The following ZBTB20 variants were observed in gnomAD, a reference collection of about 807,000 sequenced individuals.
ZBTB20 encodes the protein zinc finger and BTB domain containing 20.
A neutral mutation model predicts 56.9 loss-of-function variants in ZBTB20; 9 were observed. The ratio of observed to expected loss-of-function variants is 0.16; its 90% CI spans 0.10 to 0.28. The LOEUF (loss-of-function observed/expected upper bound fraction) is 0.28, where lower values mean the gene tolerates loss of function less well. ZBTB20 is among the 10% of genes least tolerant of loss of function. The pLI is 1.00. For missense variants in ZBTB20, 655 were observed against 1,003.0 expected, an observed-to-expected ratio of 0.65 and a Z score of 4.69; for synonymous variants, 417 against 420.7, an observed-to-expected ratio of 0.99 and a Z score of 0.11.
At chr3:114,931,434 C>G (rs757199357) in intron 3 of ZBTB20, 3 of 200,646 alleles carry the variant, frequency 1.5e-5, no homozygotes, top group Non-Finnish European at 3.0e-5. Context: ...ATTCTGCACC[C>G]GAGGCAGAAG....
chr3:114,386,799 CAT>C (rs942515994), intron 8 of ZBTB20, among the ~76,000 whole-genome samples: 14 of 152,110 alleles, frequency 9.2e-5, no homozygotes, highest in African/African-American at 3.1e-4. Flanking sequence ...GACTAATCAA[CAT>C]ATGTGTTCTT....
At chr3:114,436,237 A>G (rs537502987) in intron 7 of ZBTB20, among the ~76,000 whole-genome samples, 2 of 152,152 alleles carry the variant, frequency 1.3e-5, no homozygotes, top group African/African-American at 2.4e-5. Context: ...TGAGTGCAGG[A>G]GCAACAACTG....
intron 4 of ZBTB20, among the ~76,000 whole-genome samples, chr3:114,818,349 T>G (rs1038511691): frequency 6.6e-6 from 1 of 152,130 alleles, no homozygotes; most frequent in Admixed American, 6.5e-5. Context: ...TCATAAAGTT[T>G]TTTCTAGTTA....
chr3:114,748,641 G>C (rs934755340), intron 5 of ZBTB20, among the ~76,000 whole-genome samples: 3 of 152,062 alleles, frequency 2.0e-5, no homozygotes, highest in Non-Finnish European at 2.9e-5. Flanking sequence ...AGGCAAAGAG[G>C]AAAGCCAGGC....
chr3:114,994,379 A>G (rs1046871228), intron 2 of ZBTB20, among the ~76,000 whole-genome samples: 5 of 151,954 alleles, frequency 3.3e-5, no homozygotes, highest in African/African-American at 1.2e-4. Context: ...GGATAATCGT[A>G]GCCTGATATA....
At chr3:115,098,216 G>A (rs777464176) in intron 1 of ZBTB20, among the ~76,000 whole-genome samples, 6 of 152,078 alleles carry the variant, frequency 3.9e-5, no homozygotes, top group Non-Finnish European at 7.4e-5. Flanking sequence ...GCACATGTAT[G>A]CACAGATATC....
intron 1 of ZBTB20, among the ~76,000 whole-genome samples, chr3:115,105,764 A>C (rs1166099482): frequency 6.6e-6 from 1 of 152,184 alleles, no homozygotes; most frequent in African/African-American, 2.4e-5. Flanking sequence ...CTATAGCCTG[A>C]GAAAGGAATT....
chr3:114,344,881 G>A (rs755652533), intron 11 of ZBTB20, among the ~76,000 whole-genome samples: 15 of 152,136 alleles, frequency 9.9e-5, no homozygotes, highest in Non-Finnish European at 1.9e-4. Flanking sequence ...CAAAATTACC[G>A]TATGTGCAGA....
intron 5 of ZBTB20, among the ~76,000 whole-genome samples, chr3:114,767,588 A>C (rs1478924393): frequency 6.6e-6 from 1 of 151,818 alleles, no homozygotes; most frequent in Non-Finnish European, 1.5e-5. Context: ...GGAGGAAGGA[A>C]ACAGAAAGGG....
intron 1 of ZBTB20, among the ~76,000 whole-genome samples, chr3:115,103,751 C>T (rs1415383097): frequency 6.6e-6 from 1 of 152,126 alleles, no homozygotes; most frequent in Non-Finnish European, 1.5e-5. Flanking sequence ...TTCTAAGACT[C>T]CTAAATAGGA....
At chr3:114,461,652 A>G (rs937427375) in intron 7 of ZBTB20, among the ~76,000 whole-genome samples, 1 of 152,118 alleles carries the variant, frequency 6.6e-6, no homozygotes, top group Non-Finnish European at 1.5e-5. Flanking sequence ...TATCATTGCC[A>G]TTCAGTTACC....
At chr3:114,882,316 T>C (rs1318176994) in intron 4 of ZBTB20, among the ~76,000 whole-genome samples, 2 of 152,034 alleles carry the variant, frequency 1.3e-5, no homozygotes, top group African/African-American at 4.8e-5. Context: ...CTGATGAGGC[T>C]GTGAGAAAGC....
chr3:114,572,188 T>C (rs1265115893), intron 6 of ZBTB20, among the ~76,000 whole-genome samples: 2 of 152,224 alleles, frequency 1.3e-5, no homozygotes, highest in Admixed American at 1.3e-4. Flanking sequence ...TGAAGAACTA[T>C]ACTACTGTAC....
intron 5 of ZBTB20, among the ~76,000 whole-genome samples, chr3:114,727,073 C>A (rs990903741): frequency 6.6e-6 from 1 of 151,804 alleles, no homozygotes; most frequent in African/African-American, 2.4e-5. Flanking sequence ...CCTTTCATAC[C>A]AACACATAGA....
At chr3:115,115,858 C>G (rs959582033) in intron 1 of ZBTB20, among the ~76,000 whole-genome samples, 1 of 151,950 alleles carries the variant, frequency 6.6e-6, no homozygotes, top group Non-Finnish European at 1.5e-5. Flanking sequence ...CTTCCACCAT[C>G]GCACACCATA....
chr3:114,615,286 T>G (rs2057855533), intron 6 of ZBTB20, among the ~76,000 whole-genome samples: 1 of 152,222 alleles, frequency 6.6e-6, no homozygotes, highest in Non-Finnish European at 1.5e-5. Context: ...ATATGATGGT[T>G]TCCTATTTTC....
intron 10 of ZBTB20, among the ~76,000 whole-genome samples, chr3:114,362,536 T>G (rs1313180014): frequency 6.6e-6 from 1 of 152,218 alleles, no homozygotes; most frequent in Non-Finnish European, 1.5e-5. Context: ...TGTAATGCTC[T>G]TCTTCTTGTC....
chr3:114,574,140 A>G (rs1033197508), intron 6 of ZBTB20, among the ~76,000 whole-genome samples: 6 of 152,144 alleles, frequency 3.9e-5, no homozygotes, highest in African/African-American at 1.4e-4. Context: ...TGCATATATG[A>G]TATGTGGTGA....
intron 4 of ZBTB20, among the ~76,000 whole-genome samples, chr3:114,882,457 A>G (rs1001595011): frequency 1.3e-5 from 2 of 152,066 alleles, no homozygotes; most frequent in Non-Finnish European, 1.5e-5. Context: ...TATTAAAATA[A>G]AAACAAGGAT....
Sources: gnomAD v4.1 joint callset for allele counts (sites outside exome capture counted in the v4.1 genomes callset) on GRCh38, gnomAD v4.1.1 for gene constraint, MANE v1.5 for transcripts, NCBI Gene and HGNC (gene_info 2026-07-23, HGNC 2026-07-21) for gene names.